CYTH1: variants seen among roughly 807,000 people sequenced by gnomAD.
CYTH1 encodes cytohesin-1.
A neutral mutation model predicts 61.8 loss-of-function variants in CYTH1; 18 were observed. That is an observed-to-expected ratio of 0.29 (90% CI 0.20 to 0.43). The LOEUF is 0.43. CYTH1 is among the 20% of genes least tolerant of loss of function. CYTH1 has a pLI of 1.00. For missense variants in CYTH1, 336 were observed against 510.5 expected (o/e 0.66, Z 3.29); for synonymous variants, 174 against 184.3 (o/e 0.94, Z 0.45).
At chr17:78,773,678 AATTCACAATTTCTTCTCGTAAGGAAAC>A (rs1311014914) in intron 1 of CYTH1, among the ~76,000 whole-genome samples, 1 of 152,084 alleles carries the variant, frequency 6.6e-6, no homozygotes, top group African/African-American at 2.4e-5. Context: ...AAATCTATTT[AATTCACAATTTCTTCTCGTAAGGAAAC>A]ATTTTGTAGT....
At position 78,727,479 on chromosome 17, in the gene CYTH1, T is replaced by C. The variant is rs78501702; in HGVS notation, c.23-17747A>G. Reference sequence around the variant, plus strand: ...AAGATCTCTTGAAAGGAAGGTCATTTCTACCTGCACCTCAAAATAGAAACA... The same window carrying C: ...AAGATCTCTTGAAAGGAAGGTCATTCCTACCTGCACCTCAAAATAGAAACA... On this transcript the variant is annotated intron_variant, in intron 1 of 13. Transcript: ENST00000446868. Among the ~76,000 whole-genome samples the C allele has an allele frequency of 8.7e-3, 1,328 of 152,350 alleles. 23 individuals are homozygous for C. The highest frequency in any genetic ancestry group is 0.03 in the African/African-American group (1,232 of 41,574).
intron 1 of CYTH1, chr17:78,727,574 AGAGGT>A: frequency 2.4e-6 from 1 of 411,234 alleles, no homozygotes; most frequent in Non-Finnish European, 5.2e-6. Flanking sequence ...AAAGTTTGGG[AGAGGT>A]GTAAGAAGGA....
intron 1 of CYTH1, among the ~76,000 whole-genome samples, chr17:78,752,092 G>A (rs1000733484): frequency 2.6e-5 from 4 of 152,156 alleles, no homozygotes; most frequent in Non-Finnish European, 5.9e-5. Context: ...GAAAGAAACG[G>A]AGAAATTTAA....
intron 1 of CYTH1, among the ~76,000 whole-genome samples, chr17:78,732,710 C>T (rs1598892927): frequency 6.6e-6 from 1 of 152,172 alleles, no homozygotes; most frequent in Non-Finnish European, 1.5e-5. Context: ...TTGATAGTTA[C>T]AGCACCTCAG....
At chr17:78,719,443 C>A (rs1034586066) in intron 1 of CYTH1, among the ~76,000 whole-genome samples, 1 of 152,050 alleles carries the variant, frequency 6.6e-6, no homozygotes, top group African/African-American at 2.4e-5. Flanking sequence ...AAAAAACAGT[C>A]GAGGAGTCAA....
intron 2 of CYTH1, chr17:78,708,972 T>G (rs2093098508): frequency 6.6e-6 from 1 of 152,312 alleles, no homozygotes; most frequent in South Asian, 2.1e-4. Context: ...TTAACCCCAC[T>G]CCTAATGTCT....
At chr17:78,734,432 C>CA in intron 1 of CYTH1, among the ~76,000 whole-genome samples, 1 of 62,720 alleles carries the variant, frequency 1.6e-5, no homozygotes, top group Non-Finnish European at 2.8e-5. Context: ...TAAAAAAAAG[C>CA]TTTTTTTTTT....
rs894616900 is a variant in CYTH1, at chr17:78,690,107, T to G, written c.891+2310A>C. Among the ~76,000 whole-genome samples the G allele has an allele frequency of 3.9e-5, 6 of 152,096 alleles. No individual in the cohort carries two copies. In the East Asian group the frequency reaches 1.2e-3, roughly 29 times the overall value. ...TGGAAGTTTCAATCTACCATCTTAA[T>G]TCTGACAGCATCCTCTCTGTGTCTT... On this transcript the variant is annotated intron_variant, in intron 11 of 13. Transcript: ENST00000446868.
intron 1 of CYTH1, among the ~76,000 whole-genome samples, chr17:78,711,071 G>A (rs1045713944): frequency 1.4e-4 from 22 of 151,840 alleles, no homozygotes; most frequent in African/African-American, 5.3e-4. Flanking sequence ...GACCATCCTG[G>A]CTAACATGGT....
chr17:78,745,052 T>C (rs2093354717), intron 1 of CYTH1, among the ~76,000 whole-genome samples: 1 of 151,548 alleles, frequency 6.6e-6, no homozygotes, highest in Non-Finnish European at 1.5e-5. Context: ...AAAAACTGTG[T>C]GGTTTTGAGT....
At chr17:78,778,297 CAA>C (rs869247023) in intron 1 of CYTH1, among the ~76,000 whole-genome samples, 3 of 65,202 alleles carry the variant, frequency 4.6e-5, no homozygotes, top group Non-Finnish European at 8.9e-5. Flanking sequence ...AAGACTGTCT[CAA>C]AAAAAAAAAA....
chr17:78,704,383 T>TTA (rs1466282786), intron 3 of CYTH1, among the ~76,000 whole-genome samples: 1 of 152,222 alleles, frequency 6.6e-6, no homozygotes, highest in African/African-American at 2.4e-5. Context: ...AATAGTAATT[T>TTA]TATAATCTCC....
intron 1 of CYTH1, among the ~76,000 whole-genome samples, chr17:78,745,966 C>A (rs775445529): frequency 2.0e-5 from 3 of 152,126 alleles, no homozygotes; most frequent in Admixed American, 6.5e-5. Flanking sequence ...TTCTACCCAG[C>A]GCATGTGCCA....
chr17:78,775,945 A>C (rs2093489118), intron 1 of CYTH1, among the ~76,000 whole-genome samples: 1 of 152,142 alleles, frequency 6.6e-6, no homozygotes, highest in Non-Finnish European at 1.5e-5. Flanking sequence ...ACCTGAGGTC[A>C]GGAGTTTGAG....
At position 78,675,262 on chromosome 17, in the gene CYTH1, CG is replaced by C. The variant is rs1316219548; in HGVS notation, c.*828del. 4 of 152,288 alleles carry C rather than the reference CG, an allele frequency of 2.6e-5. No individual in the cohort carries two copies. The highest frequency in any genetic ancestry group is 7.2e-5 in the African/African-American group (3 of 41,474). 9.4% of individuals were successfully genotyped at this position (152,288 alleles called of 1,614,324 possible). On this transcript the variant is annotated 3_prime_UTR_variant, in exon 14 of 14. Coordinates refer to ENST00000446868, the MANE Select transcript of CYTH1 (RefSeq NM_004762.6). Reference sequence around the variant, plus strand: ...CTTGGATTCTGAAGGAGGAAAATAACGTAAGCGTCCAGTCAGCTCTCTCCTC... The same window carrying C: ...CTTGGATTCTGAAGGAGGAAAATAACTAAGCGTCCAGTCAGCTCTCTCCTC...
At chr17:78,705,708 G>A (rs752050417) in intron 3 of CYTH1, among the ~76,000 whole-genome samples, 3 of 152,094 alleles carry the variant, frequency 2.0e-5, no homozygotes, top group Non-Finnish European at 4.4e-5. Flanking sequence ...AATCACTTCC[G>A]TCTTGGCGCT....
chr17:78,743,530 G>GA lies in CYTH1; in HGVS notation c.23-33799dup, dbSNP rs2093349262. On this transcript the variant is annotated intron_variant, in intron 1 of 13. Transcript: ENST00000446868. The stretch of plus-strand genomic sequence containing the variant: ...TTGGATTTCCAGTTTTCAGGTTAGG[G>GA]ATGCTCTGGCAAGTACAATGCAGGT... Among the ~76,000 whole-genome samples the GA allele has an allele frequency of 2.0e-5, 3 of 152,258 alleles. No homozygotes were observed. In the South Asian group the frequency reaches 6.2e-4, roughly 32 times the overall value.
chr17:78,701,886 C>T, intron 5 of CYTH1, 135 bp from the exon 6 acceptor site: 2 of 891,782 alleles, frequency 2.2e-6, no homozygotes, highest in South Asian at 3.0e-5. Context: ...CTTGTGCACA[C>T]TGTCCGCAAG....
At chr17:78,733,370 G>C (rs2093304807) in intron 1 of CYTH1, among the ~76,000 whole-genome samples, 1 of 152,148 alleles carries the variant, frequency 6.6e-6, no homozygotes, top group Admixed American at 6.5e-5. Context: ...GTAAGATAAA[G>C]ACTCAATGAG....
Sources: gnomAD v4.1 joint callset for allele counts (sites outside exome capture counted in the v4.1 genomes callset) on GRCh38, gnomAD v4.1.1 for gene constraint, MANE v1.5 for transcripts, NCBI Gene and HGNC (gene_info 2026-07-23, HGNC 2026-07-21) for gene names.